TBC1D5: variants seen among roughly 807,000 people sequenced by gnomAD.
TBC1D5 encodes the protein TBC1 domain family member 5.
TBC1D5 carries 75 observed loss-of-function variants against 100.3 expected under a neutral mutation model. The observed-to-expected ratio is 0.75, with a 90% confidence interval of 0.62 to 0.91. The LOEUF is 0.91. Among genes scored for constraint, TBC1D5 ranks in the 40% least tolerant of loss-of-function variants. The pLI, the probability that TBC1D5 is intolerant of heterozygous loss-of-function variation, is 0.00. For missense variants in TBC1D5, 910 were observed against 942.4 expected (o/e 0.97, Z 0.45); for synonymous variants, 323 against 325.6 (o/e 0.99, Z 0.09).
chr3:17,726,340 G>A (rs2076127441), intron 1 of TBC1D5, among the ~76,000 whole-genome samples: 1 of 152,122 alleles, frequency 6.6e-6, no homozygotes, highest in Non-Finnish European at 1.5e-5. Flanking sequence ...CAGTTTTTAA[G>A]CATTCCTTAT....
At chr3:17,726,801 A>G (rs1280171793) in intron 1 of TBC1D5, among the ~76,000 whole-genome samples, 1 of 152,180 alleles carries the variant, frequency 6.6e-6, no homozygotes, top group Non-Finnish European at 1.5e-5. Context: ...AGCTGACCAT[A>G]TTACCCTGTT....
intron 8 of TBC1D5, among the ~76,000 whole-genome samples, chr3:17,388,669 C>T (rs916164554): frequency 1.4e-5 from 2 of 139,344 alleles, no homozygotes; most frequent in African/African-American, 5.6e-5. Context: ...GGCAACATAG[C>T]GAGACCCTGC....
chr3:17,389,382 C>A (rs577720364), intron 8 of TBC1D5, among the ~76,000 whole-genome samples: 1 of 152,178 alleles, frequency 6.6e-6, no homozygotes, highest in East Asian at 1.9e-4. Flanking sequence ...TGACTCTCTT[C>A]CCTTTGAGTA....
intron 21 of TBC1D5, among the ~76,000 whole-genome samples, chr3:17,161,850 C>T (rs2066089506): frequency 6.6e-6 from 1 of 151,196 alleles, no homozygotes; most frequent in Admixed American, 6.6e-5. Context: ...GCTAGCTCAT[C>T]TTGGGTATGC....
chr3:17,693,855 G>A (rs147220772), intron 1 of TBC1D5, among the ~76,000 whole-genome samples: 1,754 of 152,216 alleles, frequency 0.012, 25 homozygotes, highest in African/African-American at 0.039. Flanking sequence ...TCATATAAGC[G>A]GGTGCCCCTC....
chr3:17,313,275 AAT>A (rs1033192788), intron 13 of TBC1D5, among the ~76,000 whole-genome samples: 3 of 152,132 alleles, frequency 2.0e-5, no homozygotes, highest in Non-Finnish European at 2.9e-5. Flanking sequence ...TCCTTGAGAA[AAT>A]TACTTAGAAG....
chr3:17,225,439 C>CAAAAAAAA (rs35631452), intron 17 of TBC1D5, among the ~76,000 whole-genome samples: 4 of 88,242 alleles, frequency 4.5e-5, no homozygotes, highest in African/African-American at 8.4e-5. Context: ...GACTCGGTCT[C>CAAAAAAAA]AAAAAAAAAA....
chr3:17,178,096 C>G (rs1297872690), intron 19 of TBC1D5, among the ~76,000 whole-genome samples: 4 of 138,162 alleles, frequency 2.9e-5, no homozygotes, highest in Non-Finnish European at 4.5e-5. Flanking sequence ...GATGGAGTCT[C>G]GCTCTGTCGC....
At chr3:17,210,882 T>G (rs774961529) in intron 18 of TBC1D5, among the ~76,000 whole-genome samples, 1 of 152,178 alleles carries the variant, frequency 6.6e-6, no homozygotes, top group Non-Finnish European at 1.5e-5. Context: ...TTTTATATTC[T>G]ATTTTCAGGG....
At chr3:17,705,644 AC>A (rs1207814982) in intron 1 of TBC1D5, among the ~76,000 whole-genome samples, 24 of 123,758 alleles carry the variant, frequency 1.9e-4, no homozygotes, top group Admixed American at 1.9e-3. Flanking sequence ...CACATCTCAG[AC>A]GATGGGCGGC....
intron 3 of TBC1D5, among the ~76,000 whole-genome samples, chr3:17,493,460 A>T (rs1032921988): frequency 2.6e-5 from 4 of 151,942 alleles, no homozygotes; most frequent in Non-Finnish European, 2.9e-5. Context: ...CCTGAATTTG[A>T]ATGTTGGCAT....
At chr3:17,558,427 T>A (rs942159563) in intron 2 of TBC1D5, among the ~76,000 whole-genome samples, 1 of 152,142 alleles carries the variant, frequency 6.6e-6, no homozygotes, top group Admixed American at 6.5e-5. Context: ...AAAATGGACA[T>A]CTATTTTAAA....
chr3:17,223,838 TGA>T (rs2074544754), intron 17 of TBC1D5, among the ~76,000 whole-genome samples: 2 of 152,036 alleles, frequency 1.3e-5, no homozygotes, highest in African/African-American at 4.8e-5. Context: ...GAGGTTGCAG[TGA>T]GCTGAGATCG....
chr3:17,617,779 T>C (rs1455375772), intron 2 of TBC1D5, among the ~76,000 whole-genome samples: 1 of 152,202 alleles, frequency 6.6e-6, no homozygotes, highest in Non-Finnish European at 1.5e-5. Flanking sequence ...ATGCTGTTTA[T>C]TCTAGTTAGC....
chr3:17,430,061 T>C (rs922235863), intron 3 of TBC1D5, among the ~76,000 whole-genome samples: 1 of 151,796 alleles, frequency 6.6e-6, no homozygotes, highest in Non-Finnish European at 1.5e-5. Context: ...TTTGAAAACA[T>C]GGGTATGGTA....
At chr3:17,503,094 A>G (rs1296094810) in intron 3 of TBC1D5, among the ~76,000 whole-genome samples, 1 of 149,596 alleles carries the variant, frequency 6.7e-6, no homozygotes, top group Non-Finnish European at 1.5e-5. Context: ...TGACCACAAG[A>G]TCCTTTCACT....
chr3:17,328,255 G>T (rs1035384295), intron 13 of TBC1D5, among the ~76,000 whole-genome samples: 1 of 151,142 alleles, frequency 6.6e-6, no homozygotes, highest in Non-Finnish European at 1.5e-5. Context: ...GAGTGACAGA[G>T]GAGACCCTGT....
At chr3:17,496,869 T>C (rs969488313) in intron 3 of TBC1D5, among the ~76,000 whole-genome samples, 1 of 152,160 alleles carries the variant, frequency 6.6e-6, no homozygotes, top group African/African-American at 2.4e-5. Context: ...TCTGAGTCTT[T>C]AGATATAATC....
intron 4 of TBC1D5, 120 bp from the exon 5 acceptor site, chr3:17,406,646 A>AT (rs2093777911): frequency 1.3e-6 from 1 of 787,482 alleles, no homozygotes; most frequent in Non-Finnish European, 2.0e-6. Flanking sequence ...AAACATATAT[A>AT]TTTAGTTGTG....
Sources: gnomAD v4.1 joint callset for allele counts (sites outside exome capture counted in the v4.1 genomes callset) on GRCh38, gnomAD v4.1.1 for gene constraint, MANE v1.5 for transcripts, NCBI Gene and HGNC (gene_info 2026-07-23, HGNC 2026-07-21) for gene names.